The following AGT variants were observed in gnomAD, a reference collection of about 807,000 sequenced individuals.
The protein encoded by AGT is alpha-1 antiproteinase, antitrypsin.
Under a neutral mutation model 28.1 loss-of-function variants are expected in AGT, and 26 were observed. The observed-to-expected ratio is 0.92, with a 90% CI of 0.68 to 1.28. The LOEUF (loss-of-function observed/expected upper bound fraction) is 1.28. AGT is among the 50% of genes most tolerant of loss of function. AGT has a pLI of 0.00. For synonymous variants in AGT, 259 were observed against 259.6 expected (o/e 1.00, Z 0.02); for missense variants, 596 against 592.3 (o/e 1.01, Z -0.06).
intron 1 of AGT, among the ~76,000 whole-genome samples, chr1:230,724,194 C>T (rs1451645721): frequency 6.6e-6 from 1 of 152,198 alleles, no homozygotes; most frequent in African/African-American, 2.4e-5. Context: ...AACATATGAA[C>T]TGCAAAGCCT....
At chr1:230,730,189 G>A (rs2102802463) in intron 1 of AGT, among the ~76,000 whole-genome samples, 1 of 151,980 alleles carries the variant, frequency 6.6e-6, no homozygotes, top group African/African-American at 2.4e-5. Flanking sequence ...CCACAGTGCT[G>A]GGATTACAGG....
chr1:230,737,839 A>G (rs914237059), intron 1 of AGT, among the ~76,000 whole-genome samples: 2 of 152,034 alleles, frequency 1.3e-5, no homozygotes, highest in Non-Finnish European at 2.9e-5. Context: ...ATTTTAGAAG[A>G]TTTCATCATC....
rs778112816 is a variant in AGT at position 230,703,130 on chromosome 1, G to A, written c.*11C>T. The A allele has an allele frequency of 1.9e-6, 3 of 1,612,730 alleles. No homozygotes were observed. The highest frequency in any genetic ancestry group is 2.5e-6 in the Non-Finnish European group (3 of 1,179,774). ...AGGCCTTGCCAGGCACTGTGTTCTG[G>A]GGCCCTGGCCTCATGCTGTGCTCAG... On this transcript the variant is annotated 3_prime_UTR_variant, in exon 5 of 5. Transcript: ENST00000366667.
chr1:230,705,465 G>A (rs775086826), intron 3 of AGT, among the ~76,000 whole-genome samples: 2 of 151,766 alleles, frequency 1.3e-5, no homozygotes, highest in Non-Finnish European at 2.9e-5. Flanking sequence ...GCCGCCAGCC[G>A]CCAGCAAGGG....
At chr1:230,723,503 T>A (rs1020882368) in intron 1 of AGT, among the ~76,000 whole-genome samples, 1 of 152,202 alleles carries the variant, frequency 6.6e-6, no homozygotes, top group Non-Finnish European at 1.5e-5. Context: ...TTGTTTTAGT[T>A]GTTTTGTTTT....
upstream of AGT, among the ~76,000 whole-genome samples, chr1:230,715,757 G>A (rs1016550044): frequency 6.6e-6 from 1 of 152,078 alleles, no homozygotes; most frequent in African/African-American, 2.4e-5. Context: ...TAAATATTTC[G>A]GCTCTTTAAA....
Position 230,713,175 on chromosome 1 carries a change from A to G in AGT, c.-31+911T>C, listed in dbSNP as rs567126063. 2.6e-4 allele frequency among the ~76,000 whole-genome samples: 39 copies of G among 152,226 alleles called. 1 individual carries two copies. The highest frequency in any genetic ancestry group is 8.9e-4 in the African/African-American group (37 of 41,536). ...ATGTAGTTATGCACTTATTCTGTCCAGCGTCTTTGTCTGTTTGCTCTGATG... is the reference window on the plus strand; with the variant it reads ...ATGTAGTTATGCACTTATTCTGTCCGGCGTCTTTGTCTGTTTGCTCTGATG... On this transcript the variant is annotated intron_variant, in intron 1 of 4. Coordinates refer to ENST00000366667, the MANE Select transcript of AGT (RefSeq NM_001384479.1).
intron 1 of AGT, among the ~76,000 whole-genome samples, chr1:230,736,001 G>C (rs993600945): frequency 6.6e-6 from 1 of 152,198 alleles, no homozygotes; most frequent in African/African-American, 2.4e-5. Context: ...GTTTGGGAAA[G>C]AGTGTCAAAA....
At chr1:230,736,740 C>T (rs915932470) in intron 1 of AGT, among the ~76,000 whole-genome samples, 3 of 152,086 alleles carry the variant, frequency 2.0e-5, no homozygotes, top group Non-Finnish European at 2.9e-5. Flanking sequence ...CTTCTAGCAG[C>T]ACTTTGGGGC....
chr1:230,723,099 G>A (rs1663878514), intron 1 of AGT, among the ~76,000 whole-genome samples: 1 of 152,172 alleles, frequency 6.6e-6, no homozygotes, highest in Non-Finnish European at 1.5e-5. Context: ...TCTCATGAGA[G>A]TGAGTTTGCA....
intron 3 of AGT, among the ~76,000 whole-genome samples, chr1:230,705,618 T>A (rs61757182): frequency 6.6e-6 from 1 of 152,246 alleles, no homozygotes; most frequent in African/African-American, 2.4e-5. Flanking sequence ...AATGGTCCTC[T>A]CTCAGAGGGC....
At chr1:230,738,274 C>G (rs1664187874) in intron 1 of AGT, among the ~76,000 whole-genome samples, 1 of 152,214 alleles carries the variant, frequency 6.6e-6, no homozygotes, top group African/African-American at 2.4e-5. Context: ...ACCTGTCACA[C>G]TTTTCCAAAT....
rs61757178 is a variant in AGT at position 230,706,145 on chromosome 1, G to T, written c.885C>A (p.Asn295Lys). Residue 295 changes from asparagine to lysine, a missense_variant, in exon 3 of 5, where the codon AAC becomes AAA. Transcript: ENST00000366667. ...LAEPQEFWVD[N>K]STSVSVPMLS... ...GCATGGGAACAGACACTGAGGTGCT[G>T]TTGTCCACCCAGAACTCCTGGGGCT... is the stretch of plus-strand genomic sequence containing the variant. 3 of 1,614,106 alleles carry T rather than the reference G, an allele frequency of 1.9e-6. No homozygotes were observed. The highest frequency in any genetic ancestry group is 1.7e-6 in the Non-Finnish European group (2 of 1,180,002).
chr1:230,713,311 G>A (rs1368281776), intron 1 of AGT, among the ~76,000 whole-genome samples: 3 of 152,084 alleles, frequency 2.0e-5, no homozygotes, highest in Non-Finnish European at 4.4e-5. Context: ...TTAATGAATT[G>A]GTTCATGCTG....
intron 2 of AGT, among the ~76,000 whole-genome samples, chr1:230,708,781 C>A (rs1240339562): frequency 4.6e-5 from 7 of 152,156 alleles, no homozygotes; most frequent in African/African-American, 1.7e-4. Flanking sequence ...TCTTGCGTAA[C>A]CTTCAAACAA....
chr1:230,745,138 T>C (rs889948284), intron 1 of AGT, among the ~76,000 whole-genome samples: 1 of 152,192 alleles, frequency 6.6e-6, no homozygotes, highest in Non-Finnish European at 1.5e-5. Flanking sequence ...AAGTCCTTCA[T>C]TGTGCAAACA....
At chr1:230,725,480 T>G (rs903340275) in intron 1 of AGT, among the ~76,000 whole-genome samples, 2 of 152,182 alleles carry the variant, frequency 1.3e-5, no homozygotes, top group African/African-American at 4.8e-5. Context: ...GTGTTTGCTT[T>G]GGCACTCAGG....
intron 1 of AGT, 120 bp from the exon 2 acceptor site, chr1:230,710,973 T>C: frequency 3.9e-6 from 5 of 1,282,014 alleles, no homozygotes; most frequent in Non-Finnish European, 5.4e-6. Flanking sequence ...ATAAATCCAT[T>C]CATGTCTACA....
rs1275805226 is a variant in AGT, at chr1:230,706,147, TG to T, written c.882del (p.Asp294GlufsTer29). The T allele has an allele frequency of 6.2e-7, 1 of 1,613,852 alleles. No individual in the cohort carries two copies. Among genetic ancestry groups the T allele is most frequent in the Non-Finnish European group, 8.5e-7 (1 of 1,179,992 alleles). ...LLAEPQEFWV[D>X]NSTSVSVPML... Reference sequence around the variant, plus strand: ...ATGGGAACAGACACTGAGGTGCTGTTGTCCACCCAGAACTCCTGGGGCTCGG... The same window carrying T: ...ATGGGAACAGACACTGAGGTGCTGTTTCCACCCAGAACTCCTGGGGCTCGG... On this transcript the variant is annotated frameshift_variant, in exon 3 of 5. Coordinates refer to ENST00000366667, the MANE Select transcript of AGT (RefSeq NM_001384479.1). LOFTEE classifies it high-confidence loss of function.
Sources: allele counts gnomAD v4.1 joint callset (sites outside exome capture counted in the v4.1 genomes callset), GRCh38; gene constraint gnomAD v4.1.1; transcripts MANE v1.5; gene names NCBI Gene and HGNC (gene_info 2026-07-23, HGNC 2026-07-21).